The following ANK2 variants were observed in gnomAD, a reference collection of about 807,000 sequenced individuals.
ANK2 encodes the protein ankyrin 2.
A neutral mutation model predicts 360.5 loss-of-function variants in ANK2; 83 were observed. The ratio of observed to expected loss-of-function variants is 0.23; its 90% CI spans 0.19 to 0.28. The LOEUF (loss-of-function observed/expected upper bound fraction) is 0.28. Ranked by LOEUF, ANK2 falls within the 10% of genes least tolerant of loss-of-function variation. The pLI is 1.00. For missense variants in ANK2, 4,201 were observed against 4,795.7 expected (o/e 0.88, Z 3.66); for synonymous variants, 1,740 against 1,759.5 (o/e 0.99, Z 0.28).
the ANK2 span, among the ~76,000 whole-genome samples, chr4:112,767,892 C>T: frequency 6.6e-6 from 1 of 152,116 alleles, no homozygotes; most frequent in Non-Finnish European, 1.5e-5. Context: ...ATACCTTTTC[C>T]CATCTCTCTC....
chr4:113,069,459 C>T (rs1047549335), intron 1 of ANK2, among the ~76,000 whole-genome samples: 1 of 152,198 alleles, frequency 6.6e-6, no homozygotes, highest in African/African-American at 2.4e-5. Context: ...TTCAGGAAAG[C>T]ACGGGCTAAT....
chr4:112,846,883 C>T (rs1341988576), intron 1 of ANK2, among the ~76,000 whole-genome samples: 1 of 152,156 alleles, frequency 6.6e-6, no homozygotes, highest in Non-Finnish European at 1.5e-5. Flanking sequence ...TCCTTATCTA[C>T]AAAATCCGGA....
rs779990637 is a variant in ANK2, at chr4:113,258,045, C to T, written c.1189-5C>T. ...TTTCAACTAACTTGATTGTCTTTTG[C>T]ACAGAATGGTTTTACTCCACTGCAC... On this transcript the variant is annotated splice_region_variant and splice_polypyrimidine_tract_variant and intron_variant, in intron 11 of 45. Coordinates refer to ENST00000357077, the MANE Select transcript of ANK2 (RefSeq NM_001148.6). The T allele has an allele frequency of 1.6e-5, 26 of 1,612,356 alleles. No homozygotes were observed. The South Asian group carries it at 2.3e-4, about 14-fold the overall frequency.
chr4:112,715,640 C>T, the ANK2 span, among the ~76,000 whole-genome samples: 5 of 152,252 alleles, frequency 3.3e-5, no homozygotes, highest in East Asian at 9.6e-4. Context: ...TGCTGTTTAC[C>T]TTCCTTTTGA....
At chr4:112,904,356 T>C in intron 1 of ANK2, 1 of 632,826 alleles carries the variant, frequency 1.6e-6, no homozygotes, top group East Asian at 3.4e-5. Flanking sequence ...CATCAGTGCC[T>C]CCTATAAGCT....
chr4:113,250,758 C>A (rs1563172707), intron 10 of ANK2, among the ~76,000 whole-genome samples: 1 of 132,276 alleles, frequency 7.6e-6, no homozygotes, highest in East Asian at 2.3e-4. Context: ...TACCACCGCC[C>A]CCCCCCCCGA....
intron 2 of ANK2, among the ~76,000 whole-genome samples, chr4:113,180,085 C>CAA (rs1242610615): frequency 6.6e-6 from 1 of 152,168 alleles, no homozygotes; most frequent in Admixed American, 6.5e-5. Context: ...GCACCATTTT[C>CAA]AAAACAATAT....
At chr4:113,199,341 C>A (rs1270493709) in intron 4 of ANK2, among the ~76,000 whole-genome samples, 1 of 152,042 alleles carries the variant, frequency 6.6e-6, no homozygotes, top group Non-Finnish European at 1.5e-5. Flanking sequence ...ATCATTGTCT[C>A]TAAGTATTTT....
At chr4:112,737,206 C>G in the ANK2 span, among the ~76,000 whole-genome samples, 1 of 152,148 alleles carries the variant, frequency 6.6e-6, no homozygotes, top group South Asian at 2.1e-4. Flanking sequence ...GTAAATAGTT[C>G]ATATTCACAA....
At chr4:113,365,680 C>G (rs539078586) in intron 41 of ANK2, among the ~76,000 whole-genome samples, 2 of 143,016 alleles carry the variant, frequency 1.4e-5, no homozygotes, top group Non-Finnish European at 1.5e-5. Context: ...TTTTTTTTTT[C>G]TCTCTCTCTC....
chr4:113,009,558 C>G (rs2055656), intron 2 of ANK2, among the ~76,000 whole-genome samples: 85,179 of 151,862 alleles, frequency 0.56, 25,769 homozygotes, highest in Non-Finnish European at 0.69. Flanking sequence ...ATAAATGTAA[C>G]TAACCTGCCT....
At chr4:113,365,281 T>C (rs1332844517) in intron 41 of ANK2, 99 bp downstream of exon 41, 6 of 1,361,188 alleles carry the variant, frequency 4.4e-6, no homozygotes, top group Admixed American at 2.0e-5. Context: ...GTCTTTTTTT[T>C]TTTTCAGAAG....
Position 113,258,001 on chromosome 4 carries a change from G to T in ANK2, c.1189-49G>T. 2.0e-6 allele frequency: 3 copies of T among 1,503,854 alleles called. No individual in the cohort carries two copies. The South Asian group carries it at 3.4e-5, about 17-fold the overall frequency. The allele number at this position is 1,503,854 out of a possible 1,614,324, so 93.2% of individuals were successfully genotyped here. On this transcript the variant is annotated intron_variant, in intron 11 of 45. Transcript: ENST00000357077. ...GCAATGTGCCAGCATGGAGTTGTGT[G>T]AGAATTGTTTCTGCATGTTTTCAAC...
At chr4:113,125,438 G>A (rs2095607195) in intron 1 of ANK2, among the ~76,000 whole-genome samples, 1 of 152,046 alleles carries the variant, frequency 6.6e-6, no homozygotes, top group African/African-American at 2.4e-5. Context: ...ATAAAAAACA[G>A]GCAACATACC....
chr4:113,198,560 C>T (rs1184772274), intron 3 of ANK2, among the ~76,000 whole-genome samples: 2 of 152,208 alleles, frequency 1.3e-5, no homozygotes, highest in East Asian at 1.9e-4. Context: ...CCAGTAGCTG[C>T]AAACATAACT....
intron 2 of ANK2, among the ~76,000 whole-genome samples, chr4:113,029,205 G>A (rs2059878360): frequency 6.6e-6 from 1 of 151,906 alleles, no homozygotes; most frequent in African/African-American, 2.4e-5. Context: ...TATTCTAAAG[G>A]AAAGACTCAT....
chr4:112,876,494 T>G (rs1216629593), intron 1 of ANK2, among the ~76,000 whole-genome samples: 3 of 151,610 alleles, frequency 2.0e-5, no homozygotes, highest in Non-Finnish European at 4.4e-5. Flanking sequence ...AAAAAAGAAG[T>G]ATGTGTGGAA....
chr4:113,207,607 T>A (rs1221406247), intron 4 of ANK2, among the ~76,000 whole-genome samples: 1 of 149,758 alleles, frequency 6.7e-6, no homozygotes, highest in Non-Finnish European at 1.5e-5. Context: ...CATTAATGTG[T>A]ATATTCCACA....
the ANK2 span, among the ~76,000 whole-genome samples, chr4:112,717,119 C>A: frequency 6.6e-6 from 1 of 152,256 alleles, no homozygotes; most frequent in South Asian, 2.1e-4. Flanking sequence ...TAACAGTTTT[C>A]CTTTATAATG....
Sources: gnomAD v4.1 joint callset for allele counts (sites outside exome capture counted in the v4.1 genomes callset) on GRCh38, gnomAD v4.1.1 for gene constraint, MANE v1.5 for transcripts, NCBI Gene and HGNC (gene_info 2026-07-23, HGNC 2026-07-21) for gene names.